The following UBE2B variants were observed in gnomAD, a reference collection of about 807,000 sequenced individuals.
The protein encoded by UBE2B is ubiquitin-conjugating enzyme E2 B.
Under a neutral mutation model 24.6 loss-of-function variants are expected in UBE2B, and 11 were observed. The observed-to-expected ratio is 0.45, with a 90% CI of 0.28 to 0.74. The LOEUF (loss-of-function observed/expected upper bound fraction) is 0.74. Among genes scored for constraint, UBE2B ranks in the 30% least tolerant of loss-of-function variants. The pLI, the probability that UBE2B is intolerant of heterozygous loss-of-function variation, is 0.13. For missense variants in UBE2B, 78 were observed against 185.6 expected, an observed-to-expected ratio of 0.42 and a Z score of 3.37; for synonymous variants, 68 against 62.4, an observed-to-expected ratio of 1.09 and a Z score of -0.42.
At chr5:134,372,395 T>C (rs1040355684) in intron 1 of UBE2B, among the ~76,000 whole-genome samples, 2 of 152,124 alleles carry the variant, frequency 1.3e-5, no homozygotes, top group African/African-American at 2.4e-5. Context: ...GTAAATAAAA[T>C]AGGGTTTTGT....
chr5:134,381,580 T>G (rs1758710575), intron 4 of UBE2B, among the ~76,000 whole-genome samples: 1 of 152,188 alleles, frequency 6.6e-6, no homozygotes, highest in Middle Eastern at 3.2e-3. Flanking sequence ...CCTTTAGCTA[T>G]GTTTCTGTAG....
At chr5:134,380,843 T>C (rs1758695962) in intron 4 of UBE2B, 35 bp downstream of exon 4, 1 of 1,424,466 alleles carries the variant, frequency 7.0e-7, no homozygotes, top group Non-Finnish European at 9.9e-7. Flanking sequence ...CAGATGATAG[T>C]GGGGAAAAGA....
chr5:134,381,094 G>A (rs1186594952), intron 4 of UBE2B, among the ~76,000 whole-genome samples: 3 of 150,682 alleles, frequency 2.0e-5, no homozygotes, highest in African/African-American at 7.3e-5. Flanking sequence ...AGCCTTGTGA[G>A]TAGCTGGGAC....
At chr5:134,376,348 A>AAAAATATATATATATATATATAT (rs1554114145) in intron 2 of UBE2B, among the ~76,000 whole-genome samples, 1 of 4,774 alleles carries the variant, frequency 2.1e-4, no homozygotes, top group Non-Finnish European at 5.5e-4. Context: ...AAAAAAAAAA[A>AAAAATATATATATATATATATAT]ATATATATAT....
At chr5:134,382,782 A>AC (rs1428360671) in intron 4 of UBE2B, among the ~76,000 whole-genome samples, 1 of 152,236 alleles carries the variant, frequency 6.6e-6, no homozygotes, top group East Asian at 1.9e-4. Flanking sequence ...TCAAAAAAAA[A>AC]AAAGAAAATT....
At position 134,375,757 on chromosome 5, in the gene UBE2B, G is replaced by A. The variant is rs1450655706; in HGVS notation, c.126-912G>A. Among the ~76,000 whole-genome samples the A allele has an allele frequency of 4.8e-5, 6 of 124,130 alleles. No homozygotes were observed. In the Admixed American group the frequency reaches 6.6e-4, roughly 14 times the overall value. 81.4% of individuals were successfully genotyped at this position (124,130 alleles called of 152,430 possible). ...GGAGGCTGCAGTGAGCCGAGATTGC[G>A]CCACTGCACTCCAGCCTGGGCGACA... On this transcript the variant is annotated intron_variant, in intron 2 of 5. Coordinates refer to ENST00000265339, the MANE Select transcript of UBE2B (RefSeq NM_003337.4).
chr5:134,371,956 GC>G (rs1222571441), intron 1 of UBE2B, among the ~76,000 whole-genome samples: 1 of 152,178 alleles, frequency 6.6e-6, no homozygotes, highest in Admixed American at 6.5e-5. Context: ...TTATCCGCCC[GC>G]CCCTGCACCC....
intron 2 of UBE2B, among the ~76,000 whole-genome samples, chr5:134,376,344 A>T (rs1235083427): frequency 0.35 from 2,275 of 6,506 alleles, 333 homozygotes; most frequent in East Asian, 0.51. Context: ...AAAAAAAAAA[A>T]AAAAATATAT....
intron 3 of UBE2B, among the ~76,000 whole-genome samples, chr5:134,378,363 G>A (rs1261485932): frequency 6.6e-6 from 1 of 152,044 alleles, no homozygotes; most frequent in Non-Finnish European, 1.5e-5. Flanking sequence ...AGGTTCAAGT[G>A]ATTCTCGTGC....
chr5:134,377,464 G>A (rs967035868), intron 3 of UBE2B, among the ~76,000 whole-genome samples: 1 of 152,176 alleles, frequency 6.6e-6, no homozygotes, highest in Admixed American at 6.5e-5. Context: ...ACCTGTTAAA[G>A]AATAAGGTAG....
At position 134,371,704 on chromosome 5, in the gene UBE2B, C is replaced by A. The variant is rs1191637731; in HGVS notation, c.44+65C>A. ...AGCTGCGGGGCTGCAGGGCGTGGATCCCAGACACCTTCCCCTTTGTGACCC... is the reference window on the plus strand; with the variant it reads ...AGCTGCGGGGCTGCAGGGCGTGGATACCAGACACCTTCCCCTTTGTGACCC... On this transcript the variant is annotated intron_variant, in intron 1 of 5. Transcript: ENST00000265339. The A allele has an allele frequency of 1.7e-5, 28 of 1,604,684 alleles. No individual in the cohort carries two copies. The South Asian group carries it at 2.5e-4, about 15-fold the overall frequency.
chr5:134,385,129 T>G (rs1248944609), intron 4 of UBE2B, among the ~76,000 whole-genome samples: 1 of 152,258 alleles, frequency 6.6e-6, no homozygotes, highest in Non-Finnish European at 1.5e-5. Context: ...ACTTTTGGAT[T>G]CTCAGAAATA....
chr5:134,374,957 A>AT (rs1470285482), intron 2 of UBE2B, among the ~76,000 whole-genome samples: 1 of 152,120 alleles, frequency 6.6e-6, no homozygotes. Context: ...AAAAAAAAAA[A>AT]GGAAAAAGTT....
intron 2 of UBE2B, among the ~76,000 whole-genome samples, chr5:134,376,049 T>TG (rs1020377001): frequency 1.3e-5 from 2 of 151,188 alleles, no homozygotes; most frequent in African/African-American, 4.9e-5. Flanking sequence ...AATATACATA[T>TG]GGGCCAGGTG....
chr5:134,373,474 CT>C (rs933837329), intron 1 of UBE2B, among the ~76,000 whole-genome samples: 19 of 151,210 alleles, frequency 1.3e-4, no homozygotes, highest in Non-Finnish European at 1.8e-4. Flanking sequence ...TACATCAATT[CT>C]TTTTTTTTAA....
At chr5:134,389,377 A>T in intron 5 of UBE2B, among the ~76,000 whole-genome samples, 1 of 152,214 alleles carries the variant, frequency 6.6e-6, no homozygotes, top group South Asian at 2.1e-4. Flanking sequence ...ACATTTGCAA[A>T]GTAACTGCAG....
chr5:134,386,172 C>A (rs1427820603), intron 4 of UBE2B, among the ~76,000 whole-genome samples: 3 of 145,530 alleles, frequency 2.1e-5, no homozygotes, highest in African/African-American at 7.7e-5. Context: ...ACTAAAAATA[C>A]AAAAATTAGC....
chr5:134,372,931 C>T (rs1052808122), intron 1 of UBE2B, among the ~76,000 whole-genome samples: 3 of 152,172 alleles, frequency 2.0e-5, no homozygotes, highest in Non-Finnish European at 4.4e-5. Flanking sequence ...AGCTTGAAAT[C>T]AGCGTATTTG....
intron 1 of UBE2B, 117 bp downstream of exon 1, chr5:134,371,756 G>A: frequency 6.8e-7 from 1 of 1,471,086 alleles, no homozygotes. Flanking sequence ...GGGCCCAGCG[G>A]GACTGGCGGA....
Sources: gnomAD v4.1 joint callset for allele counts (sites outside exome capture counted in the v4.1 genomes callset) on GRCh38, gnomAD v4.1.1 for gene constraint, MANE v1.5 for transcripts, NCBI Gene and HGNC (gene_info 2026-07-23, HGNC 2026-07-21) for gene names.